Variants in FOXK1 observed in about 807,000 individuals in gnomAD.
The protein encoded by FOXK1 is forkhead box protein K1.
In FOXK1, 19 loss-of-function variants were observed where a neutral mutation model predicts 51.9. The ratio of observed to expected loss-of-function variants is 0.37; its 90% CI spans 0.26 to 0.54. FOXK1 has a LOEUF of 0.54. Among genes scored for constraint, FOXK1 ranks in the 20% least tolerant of loss-of-function variants. The pLI, the probability that FOXK1 is intolerant of heterozygous loss-of-function variation, is 0.87. For missense variants in FOXK1, 870 were observed against 1,032.7 expected, an observed-to-expected ratio of 0.84 and a Z score of 2.16; for synonymous variants, 537 against 482.6, an observed-to-expected ratio of 1.11 and a Z score of -1.48.
In FOXK1 at chr7:4,734,942, C is replaced by T. The variant is rs1018217834; in HGVS notation, c.561-5896C>T. 6.6e-6 allele frequency among the ~76,000 whole-genome samples: 1 copy of T among 152,162 alleles called. No homozygotes were observed. The highest frequency in any genetic ancestry group is 1.5e-5 in the Non-Finnish European group (1 of 68,034). On this transcript the variant is annotated intron_variant, in intron 1 of 8. Coordinates refer to ENST00000328914, the MANE Select transcript of FOXK1 (RefSeq NM_001037165.2). The surrounding 1 kb of genome is among the most constrained non-coding windows in gnomAD (Gnocchi z 5.2). ...AATCGCCTCCGGAAGCTTTCACGGG[C>T]TCTTCCTTCCCTCTCTGATTATTTC... is the stretch of plus-strand genomic sequence containing the variant.
At chr7:4,754,648 G>C (rs774616248) in intron 3 of FOXK1, 33 bp downstream of exon 3, 3 of 1,591,990 alleles carry the variant, frequency 1.9e-6, no homozygotes, top group Admixed American at 3.4e-5. Flanking sequence ...GGTGCACCTG[G>C]TGACCCAGGA....
In FOXK1 at chr7:4,743,983, TC is replaced by T. The variant is rs1298096832; in HGVS notation, c.746+2964del. On this transcript the variant is annotated intron_variant, in intron 2 of 8. Transcript: ENST00000328914. This position sits in a 1 kb window ranked among gnomAD's most constrained non-coding sequence, Gnocchi z 5.3. Reference sequence around the variant, plus strand: ...GCTCCACCTCCCTGGTTCAAGCAATTCCCCTGTCTCAGCCTTGAGAGTAGGT... The same window carrying T: ...GCTCCACCTCCCTGGTTCAAGCAATTCCCTGTCTCAGCCTTGAGAGTAGGT... Among the ~76,000 whole-genome samples, 6 of 151,800 alleles carry T rather than the reference TC, an allele frequency of 4.0e-5. No homozygotes were observed. Among genetic ancestry groups the T allele is most frequent in the Non-Finnish European group, 7.4e-5 (5 of 67,964 alleles).
At chr7:4,706,608 A>G (rs1358281737) in intron 1 of FOXK1, among the ~76,000 whole-genome samples, 1 of 152,242 alleles carries the variant, frequency 6.6e-6, no homozygotes, top group Non-Finnish European at 1.5e-5. Flanking sequence ...CCACCCCACC[A>G]GCTGGATGAG....
At position 4,709,036 on chromosome 7, in the gene FOXK1, G is replaced by C. The variant is rs1168356899; in HGVS notation, c.560+26168G>C. 6.8e-6 allele frequency among the ~76,000 whole-genome samples: 1 copy of C among 147,334 alleles called. No individual in the cohort carries two copies. The highest frequency in any genetic ancestry group is 1.5e-5 in the Non-Finnish European group (1 of 67,438). ...GCCAAGATCGCCCCACTGCACTCCA[G>C]CCTGGGCAATGAGCGAGACTCTGTC... On this transcript the variant is annotated intron_variant, in intron 1 of 8. Coordinates refer to ENST00000328914, the MANE Select transcript of FOXK1 (RefSeq NM_001037165.2). This position sits in a 1 kb window ranked among gnomAD's most constrained non-coding sequence, Gnocchi z 5.6.
rs559821047 is a variant in FOXK1 at position 4,747,199 on chromosome 7, C to T, written c.746+6176C>T. ...TCTCAGGTCAGCCTCGGGTGACAAG[C>T]GGCTTGTGTGGAGTAGGCCTGTTGC... On this transcript the variant is annotated intron_variant, in intron 2 of 8. Coordinates refer to ENST00000328914, the MANE Select transcript of FOXK1 (RefSeq NM_001037165.2). The surrounding 1 kb of genome is among the most constrained non-coding windows in gnomAD (Gnocchi z 9.2). 1.4e-4 allele frequency among the ~76,000 whole-genome samples: 22 copies of T among 152,282 alleles called. No homozygotes were observed. The highest frequency in any genetic ancestry group is 3.9e-4 in the Admixed American group (6 of 15,290).
At chr7:4,741,058 G>T in intron 2 of FOXK1, 35 bp downstream of exon 2, 1 of 1,415,694 alleles carries the variant, frequency 7.1e-7, no homozygotes, top group Non-Finnish European at 9.4e-7. Context: ...TGGGCCCCCA[G>T]GAGAGAGGGG....
intron 1 of FOXK1, among the ~76,000 whole-genome samples, chr7:4,690,644 A>C (rs553270398): frequency 9.8e-5 from 15 of 152,362 alleles, no homozygotes; most frequent in African/African-American, 2.6e-4. Context: ...GAATATTTGC[A>C]TGAAAGCCTT....
At chr7:4,713,238 T>C (rs1005342218) in intron 1 of FOXK1, among the ~76,000 whole-genome samples, 3 of 152,248 alleles carry the variant, frequency 2.0e-5, no homozygotes, top group African/African-American at 7.2e-5. Context: ...TGAAAATTAT[T>C]ATTTCTTTTC....
chr7:4,734,766 G>T lies in FOXK1; in HGVS notation c.561-6072G>T, dbSNP rs763219469. ...TTCAGGTCGCAAGGCTATTTTTGGC[G>T]TGAGATGTCACTGTCTGCCGCTTCT... On this transcript the variant is annotated intron_variant, in intron 1 of 8. Transcript: ENST00000328914. The surrounding 1 kb of genome is among the most constrained non-coding windows in gnomAD (Gnocchi z 5.2). Among the ~76,000 whole-genome samples the T allele has an allele frequency of 6.6e-6, 1 of 152,180 alleles. No individual in the cohort carries two copies. The highest frequency in any genetic ancestry group is 1.9e-4 in the East Asian group (1 of 5,186).
intron 1 of FOXK1, among the ~76,000 whole-genome samples, chr7:4,691,337 A>G (rs1779888222): frequency 6.6e-6 from 1 of 152,162 alleles, no homozygotes; most frequent in Admixed American, 6.6e-5. Context: ...GAAGTAGACA[A>G]ACTGATCAAT....
rs993815321 is a variant in FOXK1 at position 4,747,908 on chromosome 7, C to T, written c.747-6551C>T. ...ACACCCAGGCCGGAGTGCAGTGGTC[C>T]GGTCACGGCTCGCTGCAGCCTCGAC... On this transcript the variant is annotated intron_variant, in intron 2 of 8. Transcript: ENST00000328914. The surrounding 1 kb of genome is among the most constrained non-coding windows in gnomAD (Gnocchi z 9.2). Among the ~76,000 whole-genome samples, 1 of 152,000 alleles carries T rather than the reference C, an allele frequency of 6.6e-6. No individual in the cohort carries two copies. Among genetic ancestry groups the T allele is most frequent in the Admixed American group, 6.6e-5 (1 of 15,264 alleles).
intron 1 of FOXK1, among the ~76,000 whole-genome samples, chr7:4,714,767 GT>G (rs893569449): frequency 6.6e-6 from 1 of 151,956 alleles, no homozygotes; most frequent in Non-Finnish European, 1.5e-5. Flanking sequence ...TTTTGTTTTG[GT>G]TTTTTTTCCT....
rs6952979 is a variant in FOXK1 at position 4,695,529 on chromosome 7, G to C, written c.560+12661G>C. ...TGTTTGAAATGTGGCTCAAGGCGGG[G>C]CGCGGTGGCTCATGCCTGTAATCAC... On this transcript the variant is annotated intron_variant, in intron 1 of 8. Coordinates refer to ENST00000328914, the MANE Select transcript of FOXK1 (RefSeq NM_001037165.2). Among the ~76,000 whole-genome samples, 508 of 152,344 alleles carry C rather than the reference G, an allele frequency of 3.3e-3. 4 individuals carry two copies. The highest frequency in any genetic ancestry group is 0.012 in the African/African-American group (490 of 41,580).
chr7:4,767,762 T>TTA lies in FOXK1; in HGVS notation c.*5299_*5300dup, dbSNP rs552507935. On this transcript the variant is annotated 3_prime_UTR_variant, in exon 9 of 9. Coordinates refer to ENST00000328914, the MANE Select transcript of FOXK1 (RefSeq NM_001037165.2). The surrounding 1 kb of genome is among the most constrained non-coding windows in gnomAD (Gnocchi z 6.6). ...TCAGGACACGGTTTTCATCACATAC[T>TTA]TACTGTTTTTTTGGTTGGGTTTTGA... The TTA allele has an allele frequency of 1.1e-3, 174 of 152,326 alleles. 1 individual carries two copies. Among genetic ancestry groups the TTA allele is most frequent in the African/African-American group, 4.1e-3 (169 of 41,566 alleles). 9.4% of individuals were successfully genotyped at this position (152,326 alleles called of 1,614,324 possible).
rs1041932688 is a variant in FOXK1, at chr7:4,764,353, A to G, written c.*1889A>G. On this transcript the variant is annotated 3_prime_UTR_variant, in exon 9 of 9. Transcript: ENST00000328914. ...TCTATGGCACTAACCTTTCCATGGG[A>G]AATAAGCTCTTTGTGGAAGTCCGTA... The G allele has an allele frequency of 6.5e-6, 1 of 154,256 alleles. No individual in the cohort carries two copies. The highest frequency in any genetic ancestry group is 2.4e-5 in the African/African-American group (1 of 41,488). The allele number at this position is 154,256 out of a possible 1,614,324, so 9.6% of individuals were successfully genotyped here. A position where few individuals can be genotyped will look rare whatever the true frequency, so the allele number is the denominator to read the frequency against.
chr7:4,761,274 C>T lies in FOXK1; in HGVS notation c.1907C>T (p.Ala636Val), dbSNP rs769920475. Residue 636 changes from alanine to valine, a missense_variant, in exon 8 of 9, where the codon GCC becomes GTC. By Grantham distance (64) the Ala-to-Val change is moderately conservative (BLOSUM62 0). Coordinates refer to ENST00000328914, the MANE Select transcript of FOXK1 (RefSeq NM_001037165.2). This position sits in a 1 kb window ranked among gnomAD's most constrained non-coding sequence, Gnocchi z 6.2. ...CATGCGGTTCCCACGAACAGTTTAG[C>T]CGGCAACGCTTACGGTGAGGCCCTG... ...GKHAVPTNSL[A>V]GNAYALTSPL... 4.3e-6 allele frequency: 7 copies of T among 1,612,466 alleles called. No homozygotes were observed. In the Admixed American group the frequency reaches 8.3e-5, roughly 19 times the overall value.
rs1158372751 is a variant in FOXK1 at position 4,735,706 on chromosome 7, G to A, written c.561-5132G>A. On this transcript the variant is annotated intron_variant, in intron 1 of 8. Coordinates refer to ENST00000328914, the MANE Select transcript of FOXK1 (RefSeq NM_001037165.2). This position sits in a 1 kb window ranked among gnomAD's most constrained non-coding sequence, Gnocchi z 4.7. ...AGCGGAATCTCCGCCGGTCAAGACC[G>A]GCAGTGTGTGTGGCTGGGTTTAAAC... Among the ~76,000 whole-genome samples the A allele has an allele frequency of 1.3e-5, 2 of 152,206 alleles. No homozygotes were observed. Among genetic ancestry groups the A allele is most frequent in the African/African-American group, 4.8e-5 (2 of 41,448 alleles).
intron 1 of FOXK1, among the ~76,000 whole-genome samples, chr7:4,687,848 T>G (rs2115027668): frequency 6.6e-6 from 1 of 152,268 alleles, no homozygotes; most frequent in East Asian, 1.9e-4. Context: ...TCTTTATACT[T>G]TTCTGTGTTT....
chr7:4,763,126 T>A lies in FOXK1; in HGVS notation c.*662T>A, dbSNP rs1780960022. 1 of 152,654 alleles carries A rather than the reference T, an allele frequency of 6.6e-6. No homozygotes were observed. Among genetic ancestry groups the A allele is most frequent in the African/African-American group, 2.4e-5 (1 of 41,460 alleles). 9.5% of individuals were successfully genotyped at this position (152,654 alleles called of 1,614,324 possible). ...ATCATGTATTTTTGAGGATTTTACC[T>A]GTTGACGTCTGATGACCGGCCGTAG... On this transcript the variant is annotated 3_prime_UTR_variant, in exon 9 of 9. Transcript: ENST00000328914.
Sources: allele counts gnomAD v4.1 joint callset (sites outside exome capture counted in the v4.1 genomes callset), GRCh38; gene constraint gnomAD v4.1.1; non-coding constraint Gnocchi (gnomAD v3.1); transcripts MANE v1.5; gene names NCBI Gene and HGNC (gene_info 2026-07-23, HGNC 2026-07-21).